The following TRPC5 variants were observed in gnomAD, a reference collection of about 807,000 sequenced individuals.
TRPC5 encodes the protein short transient receptor potential channel 5.
A neutral mutation model predicts 56.5 loss-of-function variants in TRPC5; 9 were observed. That is an observed-to-expected ratio of 0.16 (90% CI 0.10 to 0.28). TRPC5 has a LOEUF of 0.28. Ranked by LOEUF, TRPC5 falls within the 10% of genes least tolerant of loss-of-function variation. TRPC5 has a pLI of 1.00. For missense variants in TRPC5, 469 were observed against 748.9 expected (o/e 0.63, Z 4.36); for synonymous variants, 282 against 278.5 (o/e 1.01, Z -0.13).
At chrX:111,801,325 T>C (rs185298477) in intron 7 of TRPC5, among the ~76,000 whole-genome samples, 1 of 112,312 alleles carries the variant, frequency 8.9e-6, no homozygotes, top group Admixed American at 9.4e-5. Context: ...CTCTTTGCTA[T>C]TGTGAATATT....
intron 1 of TRPC5, among the ~76,000 whole-genome samples, chrX:112,054,012 C>A (rs764289171): frequency 8.9e-6 from 1 of 112,214 alleles, no homozygotes; most frequent in Admixed American, 9.4e-5. Context: ...TTTGGTAATA[C>A]TTTATGAGTC....
chrX:111,906,130 G>A (rs945700072), intron 3 of TRPC5, among the ~76,000 whole-genome samples: 2 of 109,749 alleles, frequency 1.8e-5, no homozygotes, highest in East Asian at 2.9e-4. Context: ...CAAGACAGGC[G>A]GATTGCCTAA....
At chrX:111,960,364 G>C (rs1486333981) in intron 1 of TRPC5, among the ~76,000 whole-genome samples, 1 of 112,256 alleles carries the variant, frequency 8.9e-6, no homozygotes, top group Non-Finnish European at 1.9e-5. Flanking sequence ...CCAATGTCCA[G>C]GGGAGGTTTG....
At chrX:111,884,606 C>T (rs1162054278) in intron 3 of TRPC5, among the ~76,000 whole-genome samples, 1 of 112,540 alleles carries the variant, frequency 8.9e-6, no homozygotes, top group African/African-American at 3.2e-5. Context: ...TAGTCATAAC[C>T]TAAGTTTAGA....
At chrX:111,867,667 G>A (rs1318458891) in intron 3 of TRPC5, among the ~76,000 whole-genome samples, 2 of 112,008 alleles carry the variant, frequency 1.8e-5, no homozygotes, top group African/African-American at 3.3e-5. Flanking sequence ...GGTCTTTGCA[G>A]GCATTTACTG....
chrX:111,946,051 A>G (rs993616116), intron 2 of TRPC5, among the ~76,000 whole-genome samples: 12 of 112,394 alleles, frequency 1.1e-4, no homozygotes, highest in African/African-American at 3.6e-4. Flanking sequence ...TTACAGACAT[A>G]TGACTTATCA....
chrX:111,801,239 G>A (rs910455567), intron 7 of TRPC5, among the ~76,000 whole-genome samples: 5 of 111,829 alleles, frequency 4.5e-5, no homozygotes, highest in South Asian at 3.7e-4. Flanking sequence ...ATTCCTTTCC[G>A]TGGCTGAATA....
rs899744325 is a variant in TRPC5, at chrX:111,902,029, G to A, written c.900+10262C>T. On this transcript the variant is annotated intron_variant, in intron 3 of 10. Transcript: ENST00000262839. ...ATGCACCTCTTCCCGAGGAGCCTTC[G>A]CTACCTGATCTCCCTGATCTCTCAG... 9.5e-6 allele frequency: 11 copies of A among 1,153,677 alleles called. No homozygotes were observed. The Admixed American group carries it at 1.0e-4, about 11-fold the overall frequency.
At chrX:112,045,512 A>G (rs1929995391) in intron 1 of TRPC5, among the ~76,000 whole-genome samples, 1 of 112,257 alleles carries the variant, frequency 8.9e-6, no homozygotes, top group South Asian at 3.7e-4. Context: ...TCGTTACAGC[A>G]GTCACAGAAA....
At chrX:112,045,982 T>A (rs192401724) in intron 1 of TRPC5, among the ~76,000 whole-genome samples, 1 of 110,959 alleles carries the variant, frequency 9.0e-6, no homozygotes, top group Non-Finnish European at 1.9e-5. Flanking sequence ...CTGGATACAT[T>A]TTTGGTTGTC....
chrX:111,812,429 T>C (rs773876083), intron 7 of TRPC5, among the ~76,000 whole-genome samples: 1 of 111,902 alleles, frequency 8.9e-6, no homozygotes, highest in Non-Finnish European at 1.9e-5. Flanking sequence ...TGACCTCACG[T>C]TGGGAATTAT....
At chrX:111,901,903 C>T in intron 3 of TRPC5, 1 of 1,152,737 alleles carries the variant, frequency 8.7e-7, no homozygotes, top group Non-Finnish European at 1.1e-6. Context: ...CTTGTGTAGC[C>T]CAGTTAATAA....
At chrX:111,993,794 G>A (rs768903213) in intron 1 of TRPC5, among the ~76,000 whole-genome samples, 1 of 111,870 alleles carries the variant, frequency 8.9e-6, no homozygotes, top group South Asian at 3.8e-4. Flanking sequence ...TGTAGATTCT[G>A]GCTATTAGCC....
chrX:111,922,337 G>A (rs1425742355), intron 2 of TRPC5, among the ~76,000 whole-genome samples: 7 of 111,778 alleles, frequency 6.3e-5, no homozygotes, highest in African/African-American at 2.3e-4. Context: ...TCACACAGCT[G>A]GTCTGATAGC....
At chrX:112,002,835 C>T (rs1046230329) in intron 1 of TRPC5, among the ~76,000 whole-genome samples, 6 of 112,196 alleles carry the variant, frequency 5.3e-5, no homozygotes, top group African/African-American at 1.6e-4. Context: ...AGAATGTCTA[C>T]GTGTAGAAAT....
intron 1 of TRPC5, among the ~76,000 whole-genome samples, chrX:112,020,150 C>G (rs1174629991): frequency 8.9e-6 from 1 of 111,799 alleles, no homozygotes; most frequent in Non-Finnish European, 1.9e-5. Flanking sequence ...GCCTTGGCCT[C>G]CTAAACTGCT....
At chrX:111,919,391 C>T (rs1926066000) in intron 2 of TRPC5, among the ~76,000 whole-genome samples, 1 of 111,942 alleles carries the variant, frequency 8.9e-6, no homozygotes, top group Admixed American at 9.4e-5. Context: ...TTTGTTCTTT[C>T]ACTTCTTCAC....
intron 3 of TRPC5, among the ~76,000 whole-genome samples, chrX:111,888,472 A>G (rs1924616680): frequency 9.8e-6 from 1 of 102,424 alleles, no homozygotes; most frequent in Admixed American, 1.1e-4. Flanking sequence ...CAGGAGTTCG[A>G]GACCAGCCTG....
chrX:112,014,638 T>C (rs948263139), intron 1 of TRPC5, among the ~76,000 whole-genome samples: 1 of 112,224 alleles, frequency 8.9e-6, no homozygotes, highest in African/African-American at 3.2e-5. Context: ...GCTTGGTGCA[T>C]AGCAGACATT....
Sources: gnomAD v4.1 joint callset for allele counts (sites outside exome capture counted in the v4.1 genomes callset) on GRCh38, gnomAD v4.1.1 for gene constraint, MANE v1.5 for transcripts, NCBI Gene and HGNC (gene_info 2026-07-23, HGNC 2026-07-21) for gene names.